ZNF775: variants seen among roughly 807,000 people sequenced by gnomAD.
The protein encoded by ZNF775 is zinc finger protein 775.
A neutral mutation model predicts 2.4 loss-of-function variants in ZNF775; 1 was observed. The observed-to-expected ratio is 0.41, with a 90% confidence interval of 0.15 to 1.94. The LOEUF is 1.94. Among genes scored for constraint, ZNF775 ranks in the 30% most tolerant of loss-of-function variants. The pLI, the probability that ZNF775 is intolerant of heterozygous loss-of-function variation, is 0.30. For synonymous variants in ZNF775, 381 were observed against 373.3 expected (o/e 1.02, Z -0.24); for missense variants, 823 against 826.6 (o/e 1.00, Z 0.05).
chr7:150,398,043 A>AGC lies in ZNF775; in HGVS notation c.1566_1567dup (p.Val523AlafsTer47). The AGC allele has an allele frequency of 6.4e-7, 1 of 1,573,494 alleles. No homozygotes were observed. The highest frequency in any genetic ancestry group is 8.6e-7 in the Non-Finnish European group (1 of 1,164,938). On this transcript the variant is annotated frameshift_variant, in exon 3 of 3. Coordinates refer to ENST00000329630, the MANE Select transcript of ZNF775 (RefSeq NM_173680.4). LOFTEE classifies it low-confidence loss of function (END_TRUNC). ...CAGAAGCAGCACCTGCTCAAGCACC[A>AGC]GCGCGTGCACCGCGCGGCCCCTGCG...
chr7:150,390,570 T>G (rs988272684), intron 2 of ZNF775, among the ~76,000 whole-genome samples: 1 of 152,254 alleles, frequency 6.6e-6, no homozygotes, highest in Non-Finnish European at 1.5e-5. Flanking sequence ...CATATGGTTT[T>G]TCAACTTGTT....
chr7:150,386,873 TGC>T (rs1447417379), intron 1 of ZNF775, among the ~76,000 whole-genome samples: 1 of 152,166 alleles, frequency 6.6e-6, no homozygotes, highest in Non-Finnish European at 1.5e-5. Context: ...CTCTGAGCCC[TGC>T]GGATCCAGCA....
At chr7:150,387,910 T>C (rs1046589514) in intron 1 of ZNF775, among the ~76,000 whole-genome samples, 1 of 152,018 alleles carries the variant, frequency 6.6e-6, no homozygotes, top group Admixed American at 6.6e-5. Context: ...GCCCCGAAGC[T>C]CCCCAGAGGG....
Position 150,382,209 on chromosome 7 carries a change from A to G in ZNF775, c.-50+2817A>G, listed in dbSNP as rs186582857. On this transcript the variant is annotated intron_variant, in intron 1 of 2. Coordinates refer to ENST00000329630, the MANE Select transcript of ZNF775 (RefSeq NM_173680.4). This position sits in a 1 kb window ranked among gnomAD's most constrained non-coding sequence, Gnocchi z 4.6. ...GCGCTGGGGGCCTCTGAGATTCCCA[A>G]CTGGCTGGAAGGAGTGATGGCTTAG... 1.3e-3 allele frequency among the ~76,000 whole-genome samples: 196 copies of G among 152,298 alleles called. No homozygotes were observed. Among genetic ancestry groups the G allele is most frequent in the Admixed American group, 3.9e-3 (60 of 15,306 alleles).
At chr7:150,387,664 A>G (rs1358220886) in intron 1 of ZNF775, among the ~76,000 whole-genome samples, 1 of 152,114 alleles carries the variant, frequency 6.6e-6, no homozygotes, top group Non-Finnish European at 1.5e-5. Context: ...ATACAAAAAA[A>G]TAGCCAGGCG....
At position 150,397,641 on chromosome 7, in the gene ZNF775, C is replaced by T. The variant is rs1800699876; in HGVS notation, c.1160C>T (p.Ala387Val). 2 of 1,328,754 alleles carry T rather than the reference C, an allele frequency of 1.5e-6. No homozygotes were observed. Among genetic ancestry groups the T allele is most frequent in the Non-Finnish European group, 1.9e-6 (2 of 1,044,526 alleles). The allele number at this position is 1,328,754 out of a possible 1,614,324, so 82.3% of individuals were successfully genotyped here. The change falls in exon 3 of 3, where the codon GCC becomes GTC. Residue 387 changes from alanine to valine, a missense_variant. Ala to Val is a moderately conservative substitution (Grantham distance 64, BLOSUM62 0). Transcript: ENST00000329630. The part of the protein sequence containing the change: ...SRAALRAHQR[A>V]HAVAEPAVPA... Reference sequence around the variant, plus strand: ...GCCGCGCTGCGCGCCCACCAGCGCGCCCACGCTGTCGCTGAGCCCGCCGTT... The same window carrying T: ...GCCGCGCTGCGCGCCCACCAGCGCGTCCACGCTGTCGCTGAGCCCGCCGTT...
intron 2 of ZNF775, among the ~76,000 whole-genome samples, chr7:150,393,191 T>C (rs2129621155): frequency 6.6e-6 from 1 of 152,202 alleles, no homozygotes; most frequent in South Asian, 2.1e-4. Context: ...ATTCTCTCTG[T>C]AGTTTTGCCC....
chr7:150,394,826 G>A (rs941217286), intron 2 of ZNF775, among the ~76,000 whole-genome samples: 5 of 152,058 alleles, frequency 3.3e-5, no homozygotes, highest in Admixed American at 6.6e-5. Context: ...TTGCTTTCCT[G>A]GGGAAAATCT....
At chr7:150,379,587 G>C (rs997863322) in intron 1 of ZNF775, among the ~76,000 whole-genome samples, 195 bp downstream of exon 1, 1 of 152,044 alleles carries the variant, frequency 6.6e-6, no homozygotes, top group Admixed American at 6.5e-5. Flanking sequence ...GGTCTCAAGC[G>C]TTCCCTCTGC....
In ZNF775 at chr7:150,398,287, T is replaced by C. The variant is rs529884505; in HGVS notation, c.*192T>C. On this transcript the variant is annotated 3_prime_UTR_variant, in exon 3 of 3. Transcript: ENST00000329630. ...GTGCTGGGAAAGGTCCCAGCGTGGG[T>C]TGAGGGAGGAGGGAAGATCCGAGTT... 85 of 968,552 alleles carry C rather than the reference T, an allele frequency of 8.8e-5. No individual in the cohort carries two copies. The highest frequency in any genetic ancestry group is 3.3e-4 in the Middle Eastern group (1 of 3,010). The allele number at this position is 968,552 out of a possible 1,614,324, so 60.0% of individuals were successfully genotyped here.
chr7:150,393,672 A>G (rs1301113459), intron 2 of ZNF775, among the ~76,000 whole-genome samples: 3 of 151,888 alleles, frequency 2.0e-5, no homozygotes, highest in African/African-American at 7.3e-5. Flanking sequence ...ATTTTATTTT[A>G]TTTTTATTTT....
At chr7:150,380,167 A>T (rs1052215082) in intron 1 of ZNF775, 1 of 152,240 alleles carries the variant, frequency 6.6e-6, no homozygotes, top group African/African-American at 2.4e-5. Flanking sequence ...AAGGCTTCAC[A>T]GCTAACTGTT....
At chr7:150,392,545 ATCTCTCTCTCTCTCTCTC>A (rs56067146) in intron 2 of ZNF775, among the ~76,000 whole-genome samples, 4 of 136,582 alleles carry the variant, frequency 2.9e-5, no homozygotes, top group Non-Finnish European at 4.6e-5. Context: ...TCCCAAATGG[ATCTCTCTCTCTCTCTCTC>A]TCTCTCTCTC....
rs1400415184 is a variant in ZNF775 at position 150,397,835 on chromosome 7, G to A, written c.1354G>A (p.Gly452Ser). The A allele has an allele frequency of 2.5e-6, 4 of 1,600,738 alleles. No homozygotes were observed. Among genetic ancestry groups the A allele is most frequent in the Non-Finnish European group, 3.4e-6 (4 of 1,177,152 alleles). ...GCGCCAGTTCATCTGCAACGAGTGCGGCAAGAGCTTCTCGTGGTGGTCGGC... is the reference window on the plus strand; with the variant it reads ...GCGCCAGTTCATCTGCAACGAGTGCAGCAAGAGCTTCTCGTGGTGGTCGGC... ...EPRQFICNECGKSFSWWSALT... is the reference protein window; with the variant it reads ...EPRQFICNECSKSFSWWSALT... Residue 452 changes from glycine to serine, a missense_variant, in exon 3 of 3, where the codon GGC (glycine) becomes AGC (serine). Transcript: ENST00000329630.
At position 150,397,852 on chromosome 7, in the gene ZNF775, G is replaced by A; in HGVS notation, c.1371G>A (p.Trp457Ter). ...ACGAGTGCGGCAAGAGCTTCTCGTGGTGGTCGGCGCTCACCATCCACCAGC... is the reference window on the plus strand; with the variant it reads ...ACGAGTGCGGCAAGAGCTTCTCGTGATGGTCGGCGCTCACCATCCACCAGC... Reference protein sequence around the residue: ...ICNECGKSFSWWSALTIHQRI... With the variant: ...ICNECGKSFS The change falls in exon 3 of 3, where the codon TGG (tryptophan) becomes TGA (stop). Residue 457 changes from tryptophan (W) to a stop codon, truncating the protein, a stop_gained. Transcript: ENST00000329630. LOFTEE classifies it low-confidence loss of function (END_TRUNC). 1 of 1,602,552 alleles carries A rather than the reference G, an allele frequency of 6.2e-7. No homozygotes were observed. The highest frequency in any genetic ancestry group is 8.5e-7 in the Non-Finnish European group (1 of 1,178,126).
In ZNF775 at chr7:150,397,861, G is replaced by T. The variant is rs1030192757; in HGVS notation, c.1380G>T (p.Ala460=). 5 of 1,602,308 alleles carry T rather than the reference G, an allele frequency of 3.1e-6. No homozygotes were observed. The African/African-American group carries it at 5.4e-5, about 17-fold the overall frequency. ...ECGKSFSWWS[A]LTIHQRIHTG... The stretch of plus-strand genomic sequence containing the variant: ...GCAAGAGCTTCTCGTGGTGGTCGGC[G>T]CTCACCATCCACCAGCGCATCCACA... Residue 460 remains alanine (A), a synonymous_variant, in exon 3 of 3, where the codon GCG becomes GCT. Transcript: ENST00000329630.
Position 150,396,944 on chromosome 7 carries a change from C to T in ZNF775, c.463C>T (p.Arg155Trp), listed in dbSNP as rs371142177. 4.4e-6 allele frequency: 7 copies of T among 1,600,822 alleles called. No individual in the cohort carries two copies. The African/African-American group carries it at 6.7e-5, about 15-fold the overall frequency. ...GAAGCCGAACCTGGCGCGCCACCAG[C>T]GGCACCACACGGGCGAGCGACCCTT... ...SQKPNLARHQ[R>W]HHTGERPFCC... The change falls in exon 3 of 3, where the codon CGG becomes TGG. Residue 155 changes from arginine (R) to tryptophan (W), a missense_variant. Arg to Trp is a moderately radical substitution (Grantham distance 101). Transcript: ENST00000329630.
Position 150,397,278 on chromosome 7 carries a change from G to T in ZNF775, c.797G>T (p.Arg266Leu), listed in dbSNP as rs1036467261. The T allele has an allele frequency of 6.8e-7, 1 of 1,480,092 alleles. No individual in the cohort carries two copies. Among genetic ancestry groups the T allele is most frequent in the South Asian group, 1.2e-5 (1 of 81,764 alleles). 91.7% of individuals were successfully genotyped at this position (1,480,092 alleles called of 1,614,324 possible). A position where few individuals can be genotyped will look rare whatever the true frequency, so the allele number is the denominator to read the frequency against. ...GGCTGGTGGGGCCAGCCCGGGGCCC[G>T]GGCCGCGGTCTCCGGCCCCGAGGGG... The part of the protein sequence containing the change: ...CQGWWGQPGA[R>L]AAVSGPEGPG... The change falls in exon 3 of 3, where the codon CGG becomes CTG. Residue 266 changes from arginine to leucine, a missense_variant. Coordinates refer to ENST00000329630, the MANE Select transcript of ZNF775 (RefSeq NM_173680.4).
intron 2 of ZNF775, among the ~76,000 whole-genome samples, chr7:150,393,282 G>A (rs973983291): frequency 6.6e-6 from 1 of 152,118 alleles, no homozygotes; most frequent in Admixed American, 6.6e-5. Context: ...TTTGCATGTA[G>A]GGTACCTCCA....
Sources: allele counts gnomAD v4.1 joint callset (sites outside exome capture counted in the v4.1 genomes callset), GRCh38; gene constraint gnomAD v4.1.1; non-coding constraint Gnocchi (gnomAD v3.1); transcripts MANE v1.5; gene names NCBI Gene and HGNC (gene_info 2026-07-23, HGNC 2026-07-21).